PRDM5: variants seen among roughly 807,000 people sequenced by gnomAD.
PRDM5 encodes PR/SET domain 5, also known as PR domain zinc finger protein 5.
A neutral mutation model predicts 81.2 loss-of-function variants in PRDM5; 56 were observed. The ratio of observed to expected loss-of-function variants is 0.69; its 90% CI spans 0.56 to 0.86. The LOEUF is 0.86. Ranked by LOEUF, PRDM5 falls within the 40% of genes least tolerant of loss-of-function variation. The pLI is 0.00. For synonymous variants in PRDM5, 267 were observed against 256.4 expected (o/e 1.04, Z -0.39); for missense variants, 697 against 770.1 (o/e 0.91, Z 1.12).
chr4:120,685,018 T>C (rs1244622754), exon 2 of PRDM5: 2 of 152,036 alleles, frequency 1.3e-5, no homozygotes, highest in Non-Finnish European at 2.9e-5. Flanking sequence ...CCTTTTCTTT[T>C]AATGTGTCTA....
At chr4:120,856,546 G>C (rs745630346) in intron 2 of PRDM5, among the ~76,000 whole-genome samples, 1 of 152,050 alleles carries the variant, frequency 6.6e-6, no homozygotes, top group Non-Finnish European at 1.5e-5. Flanking sequence ...TAGATTACCT[G>C]TGCACACGAC....
chr4:120,691,732 C>T (rs1028339935), downstream of PRDM5, among the ~76,000 whole-genome samples: 2 of 151,946 alleles, frequency 1.3e-5, no homozygotes, highest in Non-Finnish European at 2.9e-5. Flanking sequence ...CTTGGCTCAA[C>T]TTCAGAGGTA....
At chr4:120,743,347 G>C (rs371079195) in intron 14 of PRDM5, among the ~76,000 whole-genome samples, 1 of 151,984 alleles carries the variant, frequency 6.6e-6, no homozygotes, top group East Asian at 1.9e-4. Flanking sequence ...AAAGACCATT[G>C]AGACTAGGAA....
chr4:120,858,097 A>G (rs916088701), intron 2 of PRDM5, among the ~76,000 whole-genome samples: 3 of 152,238 alleles, frequency 2.0e-5, no homozygotes, highest in African/African-American at 7.2e-5. Flanking sequence ...TTAATGAAAA[A>G]TTACAATACG....
intron 2 of PRDM5, among the ~76,000 whole-genome samples, chr4:120,890,923 G>C (rs1027298236): frequency 3.9e-5 from 6 of 152,116 alleles, no homozygotes; most frequent in Non-Finnish European, 5.9e-5. Flanking sequence ...TCTGCAGGCT[G>C]TCTGTTTACA....
chr4:120,686,187 A>C (rs1733826940), intron 1 of PRDM5, among the ~76,000 whole-genome samples: 1 of 151,724 alleles, frequency 6.6e-6, no homozygotes, highest in Non-Finnish European at 1.5e-5. Context: ...TATCCTGCAT[A>C]ACTGTGAGCC....
Position 120,731,269 on chromosome 4 carries a change from C to T in PRDM5, c.1624-20856G>A, listed in dbSNP as rs187039924. Among the ~76,000 whole-genome samples, 1,164 of 151,596 alleles carry T rather than the reference C, an allele frequency of 7.7e-3. 15 individuals carry two copies. Among genetic ancestry groups the T allele is most frequent in the Non-Finnish European group, 9.9e-3 (674 of 67,922 alleles). ...GAGCTCAGTGCAGTGCAATGTACAA[C>T]AAGTGATGATAGCACAGAGAAGGGG... is the stretch of plus-strand genomic sequence containing the variant. On this transcript the variant is annotated intron_variant, in intron 14 of 15. Coordinates refer to ENST00000264808, the MANE Select transcript of PRDM5 (RefSeq NM_018699.4).
At chr4:120,814,295 T>C (rs1165618295) in intron 7 of PRDM5, among the ~76,000 whole-genome samples, 2 of 152,190 alleles carry the variant, frequency 1.3e-5, no homozygotes, top group Non-Finnish European at 2.9e-5. Flanking sequence ...TGCAAAGCCA[T>C]AACTAGATGT....
intron 14 of PRDM5, among the ~76,000 whole-genome samples, chr4:120,744,553 AAG>A (rs1179151323): frequency 6.6e-6 from 1 of 152,186 alleles, no homozygotes; most frequent in Non-Finnish European, 1.5e-5. Flanking sequence ...TAAAGAAAAA[AAG>A]AGAGAAGAAT....
At chr4:120,801,136 A>C (rs1328642225) in intron 8 of PRDM5, among the ~76,000 whole-genome samples, 1 of 152,216 alleles carries the variant, frequency 6.6e-6, no homozygotes, top group Non-Finnish European at 1.5e-5. Context: ...TTTTGTTTCA[A>C]CCTCACTAAA....
At chr4:120,793,889 C>T (rs2149270994) in intron 10 of PRDM5, among the ~76,000 whole-genome samples, 1 of 152,124 alleles carries the variant, frequency 6.6e-6, no homozygotes, top group Non-Finnish European at 1.5e-5. Flanking sequence ...ATAAACATTA[C>T]ATTGTACACC....
chr4:120,697,200 C>T (rs1184060268), intron 15 of PRDM5, among the ~76,000 whole-genome samples: 1 of 152,100 alleles, frequency 6.6e-6, no homozygotes, highest in Admixed American at 6.6e-5. Flanking sequence ...AACACATACA[C>T]AAACACTATT....
At chr4:120,746,441 A>AT (rs1256103479) in intron 14 of PRDM5, among the ~76,000 whole-genome samples, 1 of 145,558 alleles carries the variant, frequency 6.9e-6, no homozygotes, top group Non-Finnish European at 1.5e-5. Context: ...ATGGGATCTA[A>AT]TTAAACTAAA....
At chr4:120,752,006 G>C (rs150762774) in intron 14 of PRDM5, among the ~76,000 whole-genome samples, 70 of 152,276 alleles carry the variant, frequency 4.6e-4, no homozygotes, top group South Asian at 2.1e-3. Flanking sequence ...CTCATGTAAT[G>C]TGAATGCAAA....
At chr4:120,919,914 T>C (rs541658616) in intron 1 of PRDM5, among the ~76,000 whole-genome samples, 4 of 152,162 alleles carry the variant, frequency 2.6e-5, no homozygotes, top group African/African-American at 7.2e-5. Context: ...AACTGACTCT[T>C]TTCGTTTTCT....
At chr4:120,748,335 C>A (rs1281691592) in intron 14 of PRDM5, among the ~76,000 whole-genome samples, 2 of 152,146 alleles carry the variant, frequency 1.3e-5, no homozygotes, top group African/African-American at 4.8e-5. Context: ...TGGTTTAAAG[C>A]TACAATGTGA....
intron 15 of PRDM5, among the ~76,000 whole-genome samples, chr4:120,696,459 T>TGTCCC (rs1734526704): frequency 6.6e-6 from 1 of 152,176 alleles, no homozygotes; most frequent in East Asian, 1.9e-4. Context: ...TATTCCCTTA[T>TGTCCC]GTCCCCTAAA....
downstream of PRDM5, among the ~76,000 whole-genome samples, chr4:120,688,277 C>A (rs1733908849): frequency 6.6e-6 from 1 of 151,044 alleles, no homozygotes; most frequent in Admixed American, 6.6e-5. Context: ...GGCCATTTAT[C>A]TTCTTTGGAT....
chr4:120,716,897 A>G (rs993902790), intron 14 of PRDM5, among the ~76,000 whole-genome samples: 1 of 152,140 alleles, frequency 6.6e-6, no homozygotes, highest in African/African-American at 2.4e-5. Context: ...AAACCCTCAC[A>G]TAGACCCTCC....
Sources: allele counts gnomAD v4.1 joint callset (sites outside exome capture counted in the v4.1 genomes callset), GRCh38; gene constraint gnomAD v4.1.1; transcripts MANE v1.5; gene names NCBI Gene and HGNC (gene_info 2026-07-23, HGNC 2026-07-21).